NUP37: variants seen among roughly 807,000 people sequenced by gnomAD.
The protein encoded by NUP37 is nucleoporin 37, also known as nucleoporin Nup37.
Under a neutral mutation model 45.4 loss-of-function variants are expected in NUP37, and 33 were observed. The observed-to-expected ratio is 0.73, with a 90% CI of 0.55 to 0.97. NUP37 has a LOEUF of 0.97. Among genes scored for constraint, NUP37 ranks in the 50% least tolerant of loss-of-function variants. The probability of loss-of-function intolerance (pLI) is 0.00; values close to 1 mark genes in which losing one functional copy is unlikely to be tolerated. For synonymous variants in NUP37, 127 were observed against 130.7 expected (o/e 0.97, Z 0.19); for missense variants, 365 against 389.7 (o/e 0.94, Z 0.53).
intron 5 of NUP37, among the ~76,000 whole-genome samples, chr12:102,096,448 AG>A (rs1879805727): frequency 6.6e-6 from 1 of 152,210 alleles, no homozygotes. Context: ...GAACCTATTC[AG>A]GTCACAGATT....
At chr12:102,100,462 C>T (rs553913022) in intron 4 of NUP37, among the ~76,000 whole-genome samples, 1 of 152,240 alleles carries the variant, frequency 6.6e-6, no homozygotes. Context: ...TTATTCTAAG[C>T]GTTTTATATG....
In NUP37 at chr12:102,118,560, C is replaced by A; in HGVS notation, c.-42G>T. The A allele has an allele frequency of 1.3e-6, 2 of 1,581,910 alleles. No homozygotes were observed. Among genetic ancestry groups the A allele is most frequent in the South Asian group, 2.3e-5 (2 of 86,474 alleles). On this transcript the variant is annotated 5_prime_UTR_variant, in exon 2 of 10. In the 5' UTR this introduces an upstream ATG that the reference lacks. Transcript: ENST00000552283. Reference sequence around the variant, plus strand: ...CAAGCAGTTGTGAAAATTAAATAGCCTTCTACTGGACAAGGTCACGAAACT... The same window carrying A: ...CAAGCAGTTGTGAAAATTAAATAGCATTCTACTGGACAAGGTCACGAAACT...
chr12:102,111,030 AAAT>A (rs1056064884), intron 3 of NUP37, among the ~76,000 whole-genome samples: 6 of 152,218 alleles, frequency 3.9e-5, no homozygotes, highest in African/African-American at 9.6e-5. Context: ...ATTCAGCAAA[AAAT>A]AATAACTAAA....
At chr12:102,112,039 C>G in intron 3 of NUP37, 69 bp downstream of exon 3, 3 of 1,413,790 alleles carry the variant, frequency 2.1e-6, no homozygotes, top group Non-Finnish European at 2.9e-6. Flanking sequence ...TATCTATGAT[C>G]AGACTTCCAA....
chr12:102,103,539 T>G (rs1880035141), intron 3 of NUP37, among the ~76,000 whole-genome samples: 1 of 152,152 alleles, frequency 6.6e-6, no homozygotes, highest in Non-Finnish European at 1.5e-5. Context: ...AACAGACAAT[T>G]TAACTTCTTC....
intron 1 of NUP37, 40 bp from the exon 2 acceptor site, chr12:102,118,623 T>C: frequency 1.0e-6 from 1 of 979,572 alleles, no homozygotes; most frequent in Non-Finnish European, 1.5e-6. Context: ...ATGGTCAATA[T>C]GTTAGTCATT....
In NUP37 at chr12:102,076,973, A is replaced by C. The variant is rs1879188492; in HGVS notation, c.723-126T>G. On this transcript the variant is annotated intron_variant, in intron 7 of 9. Coordinates refer to ENST00000552283, the MANE Select transcript of NUP37 (RefSeq NM_024057.4). Reference sequence around the variant, plus strand: ...ATGTGTTTAAACTATAATAAATCCTAAACAAGCAATCAGTTAAAACAGATG... The same window carrying C: ...ATGTGTTTAAACTATAATAAATCCTCAACAAGCAATCAGTTAAAACAGATG... 1.0e-5 allele frequency: 7 copies of C among 696,322 alleles called. No individual in the cohort carries two copies. In the East Asian group the frequency reaches 1.9e-4, roughly 19 times the overall value. 43.1% of individuals were successfully genotyped at this position (696,322 alleles called of 1,614,324 possible). A position where few individuals can be genotyped will look rare whatever the true frequency, so the allele number is the denominator to read the frequency against.
In NUP37 at chr12:102,074,215, T is replaced by G. The variant is rs1879104707; in HGVS notation, c.*139A>C. The G allele has an allele frequency of 2.1e-6, 1 of 484,934 alleles. No individual in the cohort carries two copies. The highest frequency in any genetic ancestry group is 3.6e-6 in the Non-Finnish European group (1 of 276,492). The allele number at this position is 484,934 out of a possible 1,614,324, so 30.0% of individuals were successfully genotyped here. On this transcript the variant is annotated 3_prime_UTR_variant, in exon 10 of 10. Transcript: ENST00000552283. ...AATTTTTCAAACCATCAACATTTTA[T>G]TTAATAAAAGCAACTGAGACATTTT...
At chr12:102,115,448 T>C (rs1186138383) in intron 2 of NUP37, among the ~76,000 whole-genome samples, 1 of 152,244 alleles carries the variant, frequency 6.6e-6, no homozygotes, top group Non-Finnish European at 1.5e-5. Flanking sequence ...ATGAGAACAT[T>C]GATTTAGGCA....
intron 5 of NUP37, among the ~76,000 whole-genome samples, chr12:102,098,016 G>A (rs1282690170): frequency 1.3e-5 from 2 of 152,132 alleles, no homozygotes; most frequent in African/African-American, 4.8e-5. Context: ...ATATTTCATA[G>A]TTTTATATGT....
intron 3 of NUP37, among the ~76,000 whole-genome samples, chr12:102,103,223 T>C (rs968762831): frequency 1.3e-5 from 2 of 152,190 alleles, no homozygotes; most frequent in African/African-American, 4.8e-5. Context: ...ATTCATCCAA[T>C]CCATGAACAC....
chr12:102,085,485 A>T (rs1879443313), intron 6 of NUP37, among the ~76,000 whole-genome samples: 1 of 152,174 alleles, frequency 6.6e-6, no homozygotes, highest in Non-Finnish European at 1.5e-5. Context: ...TACTGCTACT[A>T]GATTGTTGGA....
intron 3 of NUP37, among the ~76,000 whole-genome samples, chr12:102,101,454 T>A (rs1879969523): frequency 6.6e-6 from 1 of 152,202 alleles, no homozygotes; most frequent in African/African-American, 2.4e-5. Flanking sequence ...AAAAAGTATC[T>A]TCATTTTAGC....
At chr12:102,104,513 C>T (rs1880069259) in intron 3 of NUP37, among the ~76,000 whole-genome samples, 2 of 152,104 alleles carry the variant, frequency 1.3e-5, no homozygotes, top group South Asian at 2.1e-4. Flanking sequence ...GTTGCCTGTG[C>T]TTTTGTTATC....
intron 3 of NUP37, among the ~76,000 whole-genome samples, chr12:102,109,153 T>C (rs991723162): frequency 5.9e-5 from 9 of 152,196 alleles, no homozygotes; most frequent in South Asian, 2.1e-4. Context: ...CTTCTTTAAT[T>C]GAACCAGAAA....
chr12:102,097,351 T>A (rs1565833208), intron 5 of NUP37, among the ~76,000 whole-genome samples: 1 of 152,150 alleles, frequency 6.6e-6, no homozygotes, highest in Non-Finnish European at 1.5e-5. Context: ...TTTTAAAAAA[T>A]TAAATTTATT....
Position 102,102,407 on chromosome 12 carries a change from T to G in NUP37, c.282-1303A>C, listed in dbSNP as rs58901058. Reference sequence around the variant, plus strand: ...GTAGTGGAATAAAGCATGTCTTCTTTCAAGAAATGTCTGTCTACTCAGGTT... The same window carrying G: ...GTAGTGGAATAAAGCATGTCTTCTTGCAAGAAATGTCTGTCTACTCAGGTT... On this transcript the variant is annotated intron_variant, in intron 3 of 9. Transcript: ENST00000552283. Among the ~76,000 whole-genome samples, 512 of 152,366 alleles carry G rather than the reference T, an allele frequency of 3.4e-3. 2 individuals carry two copies. The highest frequency in any genetic ancestry group is 0.011 in the African/African-American group (478 of 41,596).
chr12:102,101,038 T>C lies in NUP37; in HGVS notation c.348A>G (p.Glu116=), dbSNP rs779230001. 2 of 1,511,638 alleles carry C rather than the reference T, an allele frequency of 1.3e-6. No individual in the cohort carries two copies. The highest frequency in any genetic ancestry group is 1.8e-6 in the Non-Finnish European group (2 of 1,106,330). 93.6% of individuals were successfully genotyped at this position (1,511,638 alleles called of 1,614,324 possible). ...TATATGGTTGTCAACATACCTTATA[T>C]TCATTTTTATCCTGAAGATCTGAAG... The part of the protein sequence containing the change: ...LFTSDLQDKN[E]YKVLEGHTDF... Residue 116 remains glutamate, a synonymous_variant, in exon 4 of 10, where the codon GAA becomes GAG. Transcript: ENST00000552283.
At chr12:102,083,679 C>T (rs1271693837) in intron 6 of NUP37, among the ~76,000 whole-genome samples, 1 of 152,012 alleles carries the variant, frequency 6.6e-6, no homozygotes, top group Non-Finnish European at 1.5e-5. Flanking sequence ...GACAATTAAC[C>T]CTTGAAGCAA....
Sources: allele counts gnomAD v4.1 joint callset (sites outside exome capture counted in the v4.1 genomes callset), GRCh38; gene constraint gnomAD v4.1.1; transcripts MANE v1.5; gene names NCBI Gene and HGNC (gene_info 2026-07-23, HGNC 2026-07-21).